Variants in RBM47 observed in about 807,000 individuals in gnomAD.
The protein encoded by RBM47 is RNA binding motif protein 47.
RBM47 carries 21 observed loss-of-function variants against 47.1 expected under a neutral mutation model. The observed-to-expected ratio is 0.45, with a 90% CI of 0.32 to 0.64. The LOEUF (loss-of-function observed/expected upper bound fraction) is 0.64, where lower values mean the gene tolerates loss of function less well. Ranked by LOEUF, RBM47 falls within the 30% of genes least tolerant of loss-of-function variation. The pLI is 0.05. For missense variants in RBM47, 708 were observed against 870.9 expected (o/e 0.81, Z 2.35); for synonymous variants, 375 against 361.7 (o/e 1.04, Z -0.42).
chr4:40,539,851 A>C (rs991859273), intron 2 of RBM47, among the ~76,000 whole-genome samples: 1 of 151,796 alleles, frequency 6.6e-6, no homozygotes, highest in Non-Finnish European at 1.5e-5. Context: ...GACTTCACTA[A>C]ATGAGCTACA....
intron 1 of RBM47, among the ~76,000 whole-genome samples, chr4:40,621,859 C>A (rs748160155): frequency 6.6e-6 from 1 of 152,348 alleles, no homozygotes; most frequent in African/African-American, 2.4e-5. Context: ...GACATCCCCA[C>A]ATTTGGCCCT....
chr4:40,446,640 G>A (rs1331599688), intron 3 of RBM47, among the ~76,000 whole-genome samples: 4 of 150,402 alleles, frequency 2.7e-5, no homozygotes, highest in African/African-American at 9.8e-5. Context: ...TTGGGAGGCT[G>A]AGGTGGGAAG....
intron 1 of RBM47, among the ~76,000 whole-genome samples, chr4:40,587,031 C>T (rs989320809): frequency 2.6e-5 from 4 of 152,100 alleles, no homozygotes; most frequent in Admixed American, 1.3e-4. Context: ...CTTCCTGCTC[C>T]GGCATCAGCT....
chr4:40,620,549 C>A (rs1247851267), intron 1 of RBM47, among the ~76,000 whole-genome samples: 3 of 152,100 alleles, frequency 2.0e-5, no homozygotes, highest in Non-Finnish European at 4.4e-5. Flanking sequence ...AAAATAAGTC[C>A]TTTCAATGTG....
At chr4:40,458,962 G>A (rs1434312044) in intron 3 of RBM47, among the ~76,000 whole-genome samples, 4 of 152,168 alleles carry the variant, frequency 2.6e-5, no homozygotes, top group Non-Finnish European at 4.4e-5. Flanking sequence ...TGGTATTTGT[G>A]AATATTGTGG....
intron 3 of RBM47, among the ~76,000 whole-genome samples, chr4:40,444,572 C>T (rs768455211): frequency 2.6e-5 from 4 of 152,206 alleles, no homozygotes; most frequent in South Asian, 2.1e-4. Flanking sequence ...TGTGGAAGAG[C>T]GCATCCTTGA....
At chr4:40,500,831 C>T (rs1723261397) in intron 2 of RBM47, among the ~76,000 whole-genome samples, 1 of 147,886 alleles carries the variant, frequency 6.8e-6, no homozygotes, top group Non-Finnish European at 1.5e-5. Context: ...GATTGACTTA[C>T]CAGATGTTCC....
chr4:40,616,819 T>C (rs62301885), intron 1 of RBM47, among the ~76,000 whole-genome samples: 41,421 of 151,024 alleles, frequency 0.27, 5,773 homozygotes, highest in Middle Eastern at 0.33. Flanking sequence ...TTTGCATGTC[T>C]CTCAGTGGTT....
At chr4:40,465,547 C>T (rs448449) in intron 3 of RBM47, among the ~76,000 whole-genome samples, 27,089 of 151,990 alleles carry the variant, frequency 0.18, 2,648 homozygotes, top group East Asian at 0.41. Context: ...GGTGTGGTAG[C>T]GTGCACCTAT....
At chr4:40,481,427 C>T (rs1161539409) in intron 2 of RBM47, among the ~76,000 whole-genome samples, 2 of 146,320 alleles carry the variant, frequency 1.4e-5, no homozygotes, top group African/African-American at 2.5e-5. Context: ...TGAATGTCAC[C>T]ATTCCCTGCT....
chr4:40,567,212 C>T (rs1030480220), intron 1 of RBM47, among the ~76,000 whole-genome samples: 5 of 151,870 alleles, frequency 3.3e-5, no homozygotes, highest in East Asian at 1.9e-4. Flanking sequence ...ACATTGAACT[C>T]GGGCAGTGTC....
At chr4:40,625,942 A>T (rs1478595405) in intron 1 of RBM47, among the ~76,000 whole-genome samples, 1 of 152,228 alleles carries the variant, frequency 6.6e-6, no homozygotes, top group East Asian at 1.9e-4. Flanking sequence ...CATCTCCCTG[A>T]AATGGCCTTC....
rs371728515 is a variant in RBM47 at position 40,425,788 on chromosome 4, C to T, written c.*116G>A. On this transcript the variant is annotated 3_prime_UTR_variant, in exon 7 of 7. Coordinates refer to ENST00000295971, the MANE Select transcript of RBM47 (RefSeq NM_001098634.2). ...ATAAAATAATTCAGAAATAAATCTG[C>T]TAACATTCTTCACTTTCAGGTTGCA... 245 of 1,393,934 alleles carry T rather than the reference C, an allele frequency of 1.8e-4. No individual in the cohort carries two copies. The African/African-American group carries it at 3.2e-3, about 18-fold the overall frequency. 86.3% of individuals were successfully genotyped at this position (1,393,934 alleles called of 1,614,324 possible). A position where few individuals can be genotyped will look rare whatever the true frequency, so the allele number is the denominator to read the frequency against.
At position 40,438,848 on chromosome 4, in the gene RBM47, C is replaced by T. The variant is rs779921202; in HGVS notation, c.46G>A (p.Ala16Thr). The T allele has an allele frequency of 2.6e-6, 4 of 1,558,438 alleles. No individual in the cohort carries two copies. The highest frequency in any genetic ancestry group is 1.3e-5 in the African/African-American group (1 of 74,370). ...STAAMSSDSA[A>T]GSSAKVPEGV... is the part of the protein sequence containing the mutation. Reference sequence around the variant, plus strand: ...TCGGGCACCTTGGCGGAGGACCCGGCGGCCGAGTCACTGCTCATGGCTGCG... The same window carrying T: ...TCGGGCACCTTGGCGGAGGACCCGGTGGCCGAGTCACTGCTCATGGCTGCG... Residue 16 changes from alanine (A) to threonine (T), a missense_variant, in exon 4 of 7, where the codon GCC (alanine) becomes ACC (threonine). By Grantham distance (58) the Ala-to-Thr change is moderately conservative. Coordinates refer to ENST00000295971, the MANE Select transcript of RBM47 (RefSeq NM_001098634.2).
intron 2 of RBM47, among the ~76,000 whole-genome samples, chr4:40,512,745 A>G (rs1486053845): frequency 6.6e-6 from 1 of 151,416 alleles, no homozygotes; most frequent in Non-Finnish European, 1.5e-5. Flanking sequence ...GAAAGAAAAG[A>G]AAAAAAAGGA....
At chr4:40,604,522 G>A (rs1735569749) in intron 1 of RBM47, among the ~76,000 whole-genome samples, 1 of 152,170 alleles carries the variant, frequency 6.6e-6, no homozygotes, top group South Asian at 2.1e-4. Flanking sequence ...AGCTACTTGG[G>A]AGGCTGAGGA....
At chr4:40,542,305 C>T (rs1343703093) in intron 2 of RBM47, among the ~76,000 whole-genome samples, 3 of 152,014 alleles carry the variant, frequency 2.0e-5, no homozygotes, top group African/African-American at 7.2e-5. Context: ...TTTCCCTTTC[C>T]CCCCATAGCT....
chr4:40,546,295 C>A (rs1260209025), intron 1 of RBM47, among the ~76,000 whole-genome samples: 2 of 152,212 alleles, frequency 1.3e-5, no homozygotes, highest in Admixed American at 1.3e-4. Flanking sequence ...GGATTACAGG[C>A]ATGCACCACC....
chr4:40,430,620 A>G (rs1198139691), intron 6 of RBM47, among the ~76,000 whole-genome samples: 1 of 152,220 alleles, frequency 6.6e-6, no homozygotes, highest in Non-Finnish European at 1.5e-5. Flanking sequence ...TGAATAATGC[A>G]GTCAAGACTA....
Sources: gnomAD v4.1 joint callset for allele counts (sites outside exome capture counted in the v4.1 genomes callset) on GRCh38, gnomAD v4.1.1 for gene constraint, MANE v1.5 for transcripts, NCBI Gene and HGNC (gene_info 2026-07-23, HGNC 2026-07-21) for gene names.